C8orf34: variants seen among roughly 807,000 people sequenced by gnomAD.
C8orf34 encodes chromosome 8 open reading frame 34.
In C8orf34, 65 loss-of-function variants were observed where a neutral mutation model predicts 68.3. The observed-to-expected ratio is 0.95, with a 90% CI of 0.78 to 1.17. The LOEUF is 1.17. C8orf34 is among the 50% of genes most tolerant of loss of function. The pLI is 0.00. For synonymous variants in C8orf34, 244 were observed against 241.2 expected, an observed-to-expected ratio of 1.01 and a Z score of -0.11; for missense variants, 664 against 655.4, an observed-to-expected ratio of 1.01 and a Z score of -0.14.
intron 3 of C8orf34, among the ~76,000 whole-genome samples, chr8:68,458,815 A>G (rs938900704): frequency 2.0e-5 from 3 of 152,186 alleles, no homozygotes; most frequent in African/African-American, 7.2e-5. Context: ...ATTTTAGCTG[A>G]TATCCCTGTC....
chr8:68,812,531 T>TA, intron 12 of C8orf34, among the ~76,000 whole-genome samples: 1 of 152,152 alleles, frequency 6.6e-6, no homozygotes, highest in Non-Finnish European at 1.5e-5. Context: ...TTTAAAACTT[T>TA]AAAATTTTTT....
At position 68,392,692 on chromosome 8, in the gene C8orf34, C is replaced by T. The variant is rs886665379; in HGVS notation, c.328-46807C>T. On this transcript the variant is annotated intron_variant, in intron 1 of 13. Transcript: ENST00000518698. ...GATTAAATATATAAAAAATGGATAG[C>T]CTCCAAGAATCCACTTGAAACGAGA... Among the ~76,000 whole-genome samples, 9 of 152,118 alleles carry T rather than the reference C, an allele frequency of 5.9e-5. No homozygotes were observed. The South Asian group carries it at 1.9e-3, about 32-fold the overall frequency.
chr8:68,723,121 A>AT (rs554000140), intron 10 of C8orf34, among the ~76,000 whole-genome samples: 2 of 151,986 alleles, frequency 1.3e-5, no homozygotes, highest in South Asian at 4.1e-4. Context: ...CATCCTTAAT[A>AT]TTTTTAGTGC....
Position 68,457,755 on chromosome 8 carries a change from G to C in C8orf34, c.608-10937G>C, listed in dbSNP as rs72664965. Among the ~76,000 whole-genome samples the C allele has an allele frequency of 4.7e-3, 718 of 152,204 alleles. 3 individuals carry two copies. Among genetic ancestry groups the C allele is most frequent in the Middle Eastern group, 0.031 (9 of 294 alleles). ...GCACCTGCACTAGAGTGAGCTCTGCGTCAGTGACCCCAAAGACTCTTCCTA... is the reference window on the plus strand; with the variant it reads ...GCACCTGCACTAGAGTGAGCTCTGCCTCAGTGACCCCAAAGACTCTTCCTA... On this transcript the variant is annotated intron_variant, in intron 3 of 13. Transcript: ENST00000518698.
At chr8:68,494,251 T>C (rs1813429061) in intron 5 of C8orf34, among the ~76,000 whole-genome samples, 1 of 152,230 alleles carries the variant, frequency 6.6e-6, no homozygotes, top group African/African-American at 2.4e-5. Flanking sequence ...GAGGAACTTA[T>C]GCTAAGTGAA....
intron 4 of C8orf34, among the ~76,000 whole-genome samples, chr8:68,486,413 C>A (rs1813082212): frequency 6.6e-6 from 1 of 152,126 alleles, no homozygotes; most frequent in African/African-American, 2.4e-5. Flanking sequence ...TTGGTCACCC[C>A]AAATCCCTGA....
At chr8:68,769,428 A>T (rs1411407704) in intron 10 of C8orf34, among the ~76,000 whole-genome samples, 2 of 151,624 alleles carry the variant, frequency 1.3e-5, no homozygotes, top group East Asian at 1.9e-4. Context: ...GCCATTTTGA[A>T]TCTTTTCATA....
At chr8:68,476,341 A>G (rs1812615598) in intron 4 of C8orf34, among the ~76,000 whole-genome samples, 1 of 152,224 alleles carries the variant, frequency 6.6e-6, no homozygotes, top group Non-Finnish European at 1.5e-5. Flanking sequence ...TTGATAGAAA[A>G]GTTATCCAAA....
intron 8 of C8orf34, among the ~76,000 whole-genome samples, chr8:68,685,953 A>C (rs1056750383): frequency 4.6e-5 from 7 of 151,942 alleles, no homozygotes; most frequent in African/African-American, 1.7e-4. Context: ...AACTAGAGAC[A>C]TTATAACCAA....
intron 8 of C8orf34, among the ~76,000 whole-genome samples, chr8:68,647,243 A>G (rs1050226113): frequency 6.0e-4 from 92 of 152,294 alleles, no homozygotes; most frequent in African/African-American, 1.7e-3. Flanking sequence ...CCGCAAAAAG[A>G]TATTGCCTAA....
intron 10 of C8orf34, among the ~76,000 whole-genome samples, chr8:68,772,367 C>A (rs111393589): frequency 1.3e-5 from 2 of 152,254 alleles, no homozygotes; most frequent in African/African-American, 4.8e-5. Context: ...ATAAAAATGG[C>A]AATGGATTGA....
intron 12 of C8orf34, among the ~76,000 whole-genome samples, chr8:68,807,824 TA>T (rs1425669829): frequency 1.3e-5 from 2 of 152,172 alleles, no homozygotes; most frequent in Non-Finnish European, 2.9e-5. Context: ...TTGAATTAAA[TA>T]AAAAAGAAAA....
intron 12 of C8orf34, among the ~76,000 whole-genome samples, chr8:68,808,978 C>A (rs77467451): frequency 6.6e-6 from 1 of 151,998 alleles, no homozygotes; most frequent in African/African-American, 2.4e-5. Context: ...GCATACACAT[C>A]TGCCACTTAA....
chr8:68,331,108 T>G lies in C8orf34; in HGVS notation c.96T>G (p.Ala32=). The G allele has an allele frequency of 6.7e-7, 1 of 1,499,380 alleles. No homozygotes were observed. Among genetic ancestry groups the G allele is most frequent in the Non-Finnish European group, 8.8e-7 (1 of 1,132,764 alleles). The allele number at this position is 1,499,380 out of a possible 1,614,324, so 92.9% of individuals were successfully genotyped here. A position where few individuals can be genotyped will look rare whatever the true frequency, so the allele number is the denominator to read the frequency against. Residue 32 remains alanine (A), a synonymous_variant, in exon 1 of 14, where the codon GCT becomes GCG. Coordinates refer to ENST00000518698, the MANE Select transcript of C8orf34 (RefSeq NM_052958.4). ...CCCACGCGCGCGTGGCTCCCCGGGC[T>G]GCCACCCACGCCCGCGGCCGGGGCC... is the stretch of plus-strand genomic sequence containing the variant. The part of the protein sequence containing the change: ...SAPHARVAPR[A]ATHARGRGRA...
intron 7 of C8orf34, among the ~76,000 whole-genome samples, chr8:68,568,885 T>C (rs905383985): frequency 6.7e-6 from 1 of 150,132 alleles, no homozygotes; most frequent in African/African-American, 2.5e-5. Context: ...ACCGTCTCTC[T>C]TGCGCTGCAC....
intron 7 of C8orf34, among the ~76,000 whole-genome samples, chr8:68,556,768 G>T (rs1464368735): frequency 1.3e-5 from 2 of 152,140 alleles, no homozygotes; most frequent in Non-Finnish European, 2.9e-5. Flanking sequence ...TAAAACATTG[G>T]TAGTAATGTA....
intron 11 of C8orf34, among the ~76,000 whole-genome samples, chr8:68,779,020 T>A (rs1823598233): frequency 6.6e-6 from 1 of 151,632 alleles, no homozygotes; most frequent in Non-Finnish European, 1.5e-5. Flanking sequence ...CTACAAAAAA[T>A]CAAAAAATTA....
chr8:68,684,321 T>C (rs1449355839), intron 8 of C8orf34, among the ~76,000 whole-genome samples: 2 of 152,074 alleles, frequency 1.3e-5, no homozygotes, highest in East Asian at 3.9e-4. Context: ...AGGACCTAAA[T>C]ACATTCTATG....
At chr8:68,811,403 G>C (rs1824646630) in intron 12 of C8orf34, among the ~76,000 whole-genome samples, 1 of 152,216 alleles carries the variant, frequency 6.6e-6, no homozygotes, top group Admixed American at 6.5e-5. Context: ...CCAAAGCCGT[G>C]ACTGAACAGC....
Sources: allele counts gnomAD v4.1 joint callset (sites outside exome capture counted in the v4.1 genomes callset), GRCh38; gene constraint gnomAD v4.1.1; transcripts MANE v1.5; gene names NCBI Gene and HGNC (gene_info 2026-07-23, HGNC 2026-07-21).